The following ANKRD39 variants were observed in gnomAD, a reference collection of about 807,000 sequenced individuals.
ANKRD39 encodes the protein ankyrin repeat domain 39.
A neutral mutation model predicts 20.3 loss-of-function variants in ANKRD39; 18 were observed. The observed-to-expected ratio is 0.89, with a 90% CI of 0.61 to 1.32. The LOEUF is 1.32. Ranked by LOEUF, ANKRD39 falls within the 40% of genes most tolerant of loss-of-function variation. The probability of loss-of-function intolerance (pLI) is 0.00; values close to 1 mark genes in which losing one functional copy is unlikely to be tolerated. For missense variants in ANKRD39, 243 were observed against 250.7 expected (o/e 0.97, Z 0.21); for synonymous variants, 106 against 111.9 (o/e 0.95, Z 0.33).
intron 3 of ANKRD39, among the ~76,000 whole-genome samples, chr2:96,849,321 C>T (rs2079825429): frequency 6.6e-6 from 1 of 151,896 alleles, no homozygotes; most frequent in Non-Finnish European, 1.5e-5. Context: ...CGTGGCTAAC[C>T]TTTTTTTAAA....
At chr2:96,851,924 C>G (rs1234352131) in intron 3 of ANKRD39, among the ~76,000 whole-genome samples, 1 of 152,126 alleles carries the variant, frequency 6.6e-6, no homozygotes, top group Non-Finnish European at 1.5e-5. Context: ...GATGTGGTAG[C>G]TCATGCCTGT....
At chr2:96,855,753 G>T (rs144022567) in intron 1 of ANKRD39, among the ~76,000 whole-genome samples, 1 of 151,614 alleles carries the variant, frequency 6.6e-6, no homozygotes, top group Non-Finnish European at 1.5e-5. Context: ...ATTACTGTGC[G>T]GATCACGAGG....
At chr2:96,854,763 A>G (rs2079854966) in intron 1 of ANKRD39, among the ~76,000 whole-genome samples, 1 of 152,186 alleles carries the variant, frequency 6.6e-6, no homozygotes, top group South Asian at 2.1e-4. Flanking sequence ...GGCTGGGATT[A>G]CAGGCGCCCA....
In ANKRD39 at chr2:96,848,134, T is replaced by G. The variant is rs1234919830; in HGVS notation, c.*167A>C. The G allele has an allele frequency of 1.3e-5, 11 of 832,816 alleles. No individual in the cohort carries two copies. Among genetic ancestry groups the G allele is most frequent in the Non-Finnish European group, 2.0e-5 (11 of 553,050 alleles). The allele number at this position is 832,816 out of a possible 1,614,324, so 51.6% of individuals were successfully genotyped here. A position where few individuals can be genotyped will look rare whatever the true frequency, so the allele number is the denominator to read the frequency against. ...ATCATCTGTCCAGTCTTAAACACTT[T>G]TAGCCACACCAAATCTACTCCCTCG... On this transcript the variant is annotated 3_prime_UTR_variant, in exon 4 of 4. Transcript: ENST00000393537.
At position 96,853,471 on chromosome 2, in the gene ANKRD39, G is replaced by A. The variant is rs757859837; in HGVS notation, c.338C>T (p.Ala113Val). ...RASYCGHTEIARLLLSHGSNP... is the reference protein window; with the variant it reads ...RASYCGHTEIVRLLLSHGSNP... ...GGACCCATGTGATAGCAGGAGCCGC[G>A]CGATTTCAGTGTGCCCGCAGTAGCT... The change falls in exon 3 of 4, where the codon GCG (alanine) becomes GTG (valine). Residue 113 changes from alanine to valine, a missense_variant. Transcript: ENST00000393537. 3.1e-5 allele frequency: 50 copies of A among 1,606,034 alleles called. 1 individual carries two copies. The South Asian group carries it at 3.7e-4, about 12-fold the overall frequency.
intron 3 of ANKRD39, among the ~76,000 whole-genome samples, chr2:96,851,899 A>T (rs914219365): frequency 2.0e-5 from 3 of 152,156 alleles, no homozygotes; most frequent in African/African-American, 7.2e-5. Flanking sequence ...AGGTTCAAGA[A>T]AATTAAAATG....
At chr2:96,854,114 A>G (rs546982323) in intron 2 of ANKRD39, among the ~76,000 whole-genome samples, 1 of 152,346 alleles carries the variant, frequency 6.6e-6, no homozygotes, top group Non-Finnish European at 1.5e-5. Flanking sequence ...GTAACAGAGC[A>G]AGACTTCATC....
chr2:96,851,393 T>C (rs897921496), intron 3 of ANKRD39, among the ~76,000 whole-genome samples: 3 of 152,132 alleles, frequency 2.0e-5, no homozygotes, highest in Non-Finnish European at 2.9e-5. Flanking sequence ...CGACCTCACG[T>C]GATCTGCCCG....
At chr2:96,854,191 A>G (rs2079852153) in intron 2 of ANKRD39, 147 bp downstream of exon 2, 2 of 773,216 alleles carry the variant, frequency 2.6e-6, no homozygotes, top group Non-Finnish European at 4.2e-6. Flanking sequence ...ATCCAGGTTC[A>G]TATGATGCTT....
At chr2:96,853,987 T>G (rs1464801898) in intron 2 of ANKRD39, among the ~76,000 whole-genome samples, 1 of 151,968 alleles carries the variant, frequency 6.6e-6, no homozygotes, top group Non-Finnish European at 1.5e-5. Context: ...ATTAGCTGGG[T>G]GTGGTGGCAC....
intron 2 of ANKRD39, among the ~76,000 whole-genome samples, chr2:96,853,906 C>T (rs529429659): frequency 6.6e-6 from 1 of 152,342 alleles, no homozygotes; most frequent in Non-Finnish European, 1.5e-5. Context: ...GCAGGCGGAT[C>T]ACCTGAAGTC....
intron 2 of ANKRD39, 60 bp from the exon 3 acceptor site, chr2:96,853,664 T>C (rs2079849684): frequency 6.5e-6 from 10 of 1,542,158 alleles, no homozygotes; most frequent in South Asian, 2.3e-5. Context: ...AAGGGTGGTA[T>C]AGAGGTGAGA....
rs375735038 is a variant in ANKRD39, at chr2:96,857,973, C to A, written c.15G>T (p.Arg5=). The change falls in exon 1 of 4, where the codon CGG becomes CGT. Residue 5 remains arginine (R), a synonymous_variant. Coordinates refer to ENST00000393537, the MANE Select transcript of ANKRD39 (RefSeq NM_016466.6). ...AGCAGCAGGGCCCGTCCGCGCAGGG[C>A]CGAGGCGTCGCCATCCCGGCCCCGG... MATP[R]PCADGPCCSH... 69 of 1,543,728 alleles carry A rather than the reference C, an allele frequency of 4.5e-5. No homozygotes were observed. In the African/African-American group the frequency reaches 9.0e-4, roughly 20 times the overall value.
Position 96,857,926 on chromosome 2 carries a change from C to T in ANKRD39, c.62G>A (p.Gly21Asp). 6.3e-7 allele frequency: 1 copy of T among 1,584,064 alleles called. No homozygotes were observed. The highest frequency in any genetic ancestry group is 8.5e-7 in the Non-Finnish European group (1 of 1,171,964). ...PCCSHPSAVL[G>D]VQQTLEEMDF... ...CATCTCCTCCAGCGTCTGCTGTACG[C>T]CGAGCACCGCGCTGGGATGCGAGCA... Residue 21 changes from glycine (G) to aspartate (D), a missense_variant, in exon 1 of 4, where the codon GGC becomes GAC. Transcript: ENST00000393537.
Position 96,853,817 on chromosome 2 carries a change from A to T in ANKRD39, c.205-213T>A, listed in dbSNP as rs147532022. On this transcript the variant is annotated intron_variant, in intron 2 of 3. Transcript: ENST00000393537. ...AAAATGATCATTCCTATCTCAAAGA[A>T]TTGTTACGAAAATAAAACTAAATCA... is the stretch of plus-strand genomic sequence containing the variant. 6.0e-3 allele frequency among the ~76,000 whole-genome samples: 909 copies of T among 152,316 alleles called. 9 individuals are homozygous for T. The highest frequency in any genetic ancestry group is 0.029 in the South Asian group (140 of 4,828).
At chr2:96,856,744 G>A (rs2079867495) in intron 1 of ANKRD39, among the ~76,000 whole-genome samples, 1 of 152,184 alleles carries the variant, frequency 6.6e-6, no homozygotes, top group African/African-American at 2.4e-5. Context: ...GAACTGGGGT[G>A]TTTAGGGAGG....
chr2:96,856,163 G>A (rs973627048), intron 1 of ANKRD39, among the ~76,000 whole-genome samples: 2 of 152,232 alleles, frequency 1.3e-5, no homozygotes, highest in South Asian at 2.1e-4. Flanking sequence ...AATTGTTTGC[G>A]GTAAAAATTG....
chr2:96,855,998 A>G (rs550683473), intron 1 of ANKRD39, among the ~76,000 whole-genome samples: 1 of 147,364 alleles, frequency 6.8e-6, no homozygotes, highest in South Asian at 2.1e-4. Context: ...CAACAAAACA[A>G]CAACAACAAC....
chr2:96,852,656 C>G (rs146799500), intron 3 of ANKRD39, among the ~76,000 whole-genome samples: 25 of 152,056 alleles, frequency 1.6e-4, no homozygotes, highest in Non-Finnish European at 2.6e-4. Context: ...AACAATCGCT[C>G]CAGGAGAAAA....
Sources: gnomAD v4.1 joint callset for allele counts (sites outside exome capture counted in the v4.1 genomes callset) on GRCh38, gnomAD v4.1.1 for gene constraint, MANE v1.5 for transcripts, NCBI Gene and HGNC (gene_info 2026-07-23, HGNC 2026-07-21) for gene names.